Variants in TXNRD1 observed in about 807,000 individuals in gnomAD.
TXNRD1 encodes the protein thioredoxin reductase 1, cytoplasmic.
Under a neutral mutation model 80.3 loss-of-function variants are expected in TXNRD1, and 57 were observed. That is an observed-to-expected ratio of 0.71 (90% CI 0.57 to 0.89). TXNRD1 has a LOEUF of 0.89. Among genes scored for constraint, TXNRD1 ranks in the 40% least tolerant of loss-of-function variants. TXNRD1 has a pLI of 0.00. For missense variants in TXNRD1, 730 were observed against 803.0 expected (o/e 0.91, Z 1.10); for synonymous variants, 291 against 285.2 (o/e 1.02, Z -0.20).
rs768913299 is a variant in TXNRD1, at chr12:104,340,624, C to G, written c.1881+1351C>G. Among the ~76,000 whole-genome samples, 147 of 152,304 alleles carry G rather than the reference C, an allele frequency of 9.7e-4. 1 individual carries two copies. Among genetic ancestry groups the G allele is most frequent in the Middle Eastern group, 3.4e-3 (1 of 294 alleles). On this transcript the variant is annotated intron_variant, in intron 16 of 16. Transcript: ENST00000525566. ...AGATGTATCACTTTAATCTCTGCCC[C>G]CCTCTTCACATGGCCTCATCCCTTG...
At chr12:104,328,176 T>TA (rs528499476) in intron 13 of TXNRD1, among the ~76,000 whole-genome samples, 2,272 of 126,518 alleles carry the variant, frequency 0.018, 54 homozygotes, top group African/African-American at 0.058. Context: ...AAAAAAAAAT[T>TA]AAAAAAAAAA....
chr12:104,319,026 G>C lies in TXNRD1; in HGVS notation c.844G>C (p.Gly282Arg). The C allele has an allele frequency of 1.9e-6, 3 of 1,613,800 alleles. No individual in the cohort carries two copies. Among genetic ancestry groups the C allele is most frequent in the Non-Finnish European group, 2.5e-6 (3 of 1,179,840 alleles). Reference sequence around the variant, plus strand: ...AAAAGTCGTCTATGAGAATGCTTATGGGCAATTTATTGGTCCTCACAGGAT... The same window carrying C: ...AAAAGTCGTCTATGAGAATGCTTATCGGCAATTTATTGGTCCTCACAGGAT... ...EKKVVYENAY[G>R]QFIGPHRIKA... The change falls in exon 8 of 17, where the codon GGG (glycine) becomes CGG (arginine). Residue 282 changes from glycine to arginine, a missense_variant. Gly to Arg is a moderately radical substitution (Grantham distance 125). Transcript: ENST00000525566.
rs540129052 is a variant in TXNRD1 at position 104,278,053 on chromosome 12, A to G, written c.305-10878A>G. On this transcript the variant is annotated intron_variant, in intron 3 of 16. Coordinates refer to ENST00000525566, the MANE Select transcript of TXNRD1 (RefSeq NM_001093771.3). ...AACCACGCCCGGCTAATTTTTTTGT[A>G]TTTTTAGTAGAGAGGGGGTTTCATC... 1.3e-4 allele frequency among the ~76,000 whole-genome samples: 19 copies of G among 148,064 alleles called. No individual in the cohort carries two copies. In the South Asian group the frequency reaches 3.7e-3, roughly 29 times the overall value.
At chr12:104,328,758 CAAAAA>C (rs33918583) in intron 13 of TXNRD1, among the ~76,000 whole-genome samples, 8 of 92,794 alleles carry the variant, frequency 8.6e-5, no homozygotes, top group Admixed American at 2.5e-4. Flanking sequence ...GACTCTGCCT[CAAAAA>C]AAAAAAAAAA....
intron 3 of TXNRD1, among the ~76,000 whole-genome samples, chr12:104,268,997 C>T (rs748176279): frequency 1.3e-5 from 2 of 149,306 alleles, no homozygotes; most frequent in Admixed American, 6.7e-5. Context: ...CTCTGCCTCT[C>T]GGGTTCAAGT....
chr12:104,272,182 G>A (rs554457048), intron 3 of TXNRD1, among the ~76,000 whole-genome samples: 43 of 152,310 alleles, frequency 2.8e-4, no homozygotes, highest in African/African-American at 9.6e-4. Context: ...CCTTACAGAC[G>A]GAGCAATGGT....
rs12819398 is a variant in TXNRD1 at position 104,316,688 on chromosome 12, G to A, written c.730+792G>A. Among the ~76,000 whole-genome samples the A allele has an allele frequency of 8.5e-3, 1,291 of 152,148 alleles. 22 individuals are homozygous for A. The highest frequency in any genetic ancestry group is 9.6e-3 in the Non-Finnish European group (655 of 67,988). ...ACAGGTGTGAGCCACCGTGCCTGGT[G>A]GAATTGTTAATTTTAGAAAGTAGAT... is the stretch of plus-strand genomic sequence containing the variant. On this transcript the variant is annotated intron_variant, in intron 7 of 16. Transcript: ENST00000525566.
chr12:104,341,526 C>T (rs574416888), intron 16 of TXNRD1, among the ~76,000 whole-genome samples: 1 of 152,294 alleles, frequency 6.6e-6, no homozygotes, highest in African/African-American at 2.4e-5. Flanking sequence ...TGGGGTGCCA[C>T]ATTTGTGGTC....
rs1238323372 is a variant in TXNRD1, at chr12:104,315,771, T to C, written c.611-6T>C. 1.2e-6 allele frequency: 2 copies of C among 1,608,026 alleles called. No individual in the cohort carries two copies. The highest frequency in any genetic ancestry group is 1.1e-5 in the South Asian group (1 of 90,474). ...GTTATAAACTGATTTCTCAATGTTG[T>C]TGTAGGTCTCGGAGGAACATGTGTG... On this transcript the variant is annotated splice_polypyrimidine_tract_variant and splice_region_variant and intron_variant, in intron 6 of 16. Coordinates refer to ENST00000525566, the MANE Select transcript of TXNRD1 (RefSeq NM_001093771.3).
At chr12:104,304,335 G>A in intron 4 of TXNRD1, 2 of 1,614,042 alleles carry the variant, frequency 1.2e-6, no homozygotes, top group Non-Finnish European at 1.7e-6. Context: ...TGGATGGAAG[G>A]CGATCCTGAC....
chr12:104,240,732 A>G (rs1414403923), intron 1 of TXNRD1, among the ~76,000 whole-genome samples: 3 of 145,734 alleles, frequency 2.1e-5, no homozygotes, highest in East Asian at 4.1e-4. Flanking sequence ...TTTTGTCCAG[A>G]AAAGGTATCT....
chr12:104,308,880 AT>A (rs2035026984), intron 4 of TXNRD1, among the ~76,000 whole-genome samples: 1 of 149,332 alleles, frequency 6.7e-6, no homozygotes, highest in East Asian at 2.0e-4. Context: ...TTTGGTTAAA[AT>A]TTTAAAAACA....
intron 15 of TXNRD1, among the ~76,000 whole-genome samples, chr12:104,336,331 G>A (rs2036139948): frequency 6.6e-6 from 1 of 152,234 alleles, no homozygotes; most frequent in Non-Finnish European, 1.5e-5. Flanking sequence ...TAAGTAGGGT[G>A]ACAGTGTTTT....
At chr12:104,288,900 A>G (rs2135744766) in intron 3 of TXNRD1, 31 bp from the exon 4 acceptor site, 4 of 1,613,930 alleles carry the variant, frequency 2.5e-6, no homozygotes, top group Middle Eastern at 3.3e-4. Flanking sequence ...GAAGCACCTT[A>G]CACGCTCCGC....
chr12:104,232,581 T>C (rs559938656), intron 1 of TXNRD1, among the ~76,000 whole-genome samples: 1 of 151,916 alleles, frequency 6.6e-6, no homozygotes, highest in African/African-American at 2.4e-5. Context: ...GTGACGTTCT[T>C]TACTGACCAC....
intron 1 of TXNRD1, among the ~76,000 whole-genome samples, chr12:104,217,318 G>GTTTT (rs59546712): frequency 1.6e-5 from 2 of 126,108 alleles, no homozygotes. Context: ...TAACAATTTT[G>GTTTT]TTTTTTTTTT....
intron 3 of TXNRD1, chr12:104,286,963 C>G: frequency 8.2e-7 from 1 of 1,224,936 alleles, no homozygotes; most frequent in Non-Finnish European, 1.0e-6. Context: ...GTTAGCCCGC[C>G]CGCTCGGCGC....
At chr12:104,278,725 T>A (rs890574366) in intron 3 of TXNRD1, among the ~76,000 whole-genome samples, 15 of 151,646 alleles carry the variant, frequency 9.9e-5, no homozygotes, top group Non-Finnish European at 1.9e-4. Flanking sequence ...CTGGTCTTGA[T>A]CTCCTGACCT....
At chr12:104,231,612 C>T (rs1320690616) in intron 1 of TXNRD1, among the ~76,000 whole-genome samples, 2 of 152,172 alleles carry the variant, frequency 1.3e-5, no homozygotes, top group African/African-American at 4.8e-5. Flanking sequence ...CTTTAAGTAC[C>T]TGGTGTAGTA....
Sources: gnomAD v4.1 joint callset for allele counts (sites outside exome capture counted in the v4.1 genomes callset) on GRCh38, gnomAD v4.1.1 for gene constraint, MANE v1.5 for transcripts, NCBI Gene and HGNC (gene_info 2026-07-23, HGNC 2026-07-21) for gene names.